The following CPD variants were observed in gnomAD, a reference collection of about 807,000 sequenced individuals.
The protein encoded by CPD is metallocarboxypeptidase D.
A neutral mutation model predicts 138.3 loss-of-function variants in CPD; 69 were observed. The ratio of observed to expected loss-of-function variants is 0.50; its 90% CI spans 0.41 to 0.61. The LOEUF (loss-of-function observed/expected upper bound fraction) is 0.61, where lower values mean the gene tolerates loss of function less well. Among genes scored for constraint, CPD ranks in the 20% least tolerant of loss-of-function variants. CPD has a pLI of 0.00. For synonymous variants in CPD, 651 were observed against 642.1 expected (o/e 1.01, Z -0.21); for missense variants, 1,432 against 1,733.3 (o/e 0.83, Z 3.09).
At chr17:30,418,709 C>T (rs1293862259) in intron 2 of CPD, among the ~76,000 whole-genome samples, 1 of 152,282 alleles carries the variant, frequency 6.6e-6, no homozygotes, top group South Asian at 2.1e-4. Context: ...TTGTCCCCTC[C>T]TCTGATTGGA....
chr17:30,463,837 A>G (rs1913557810), intron 20 of CPD, among the ~76,000 whole-genome samples: 1 of 152,240 alleles, frequency 6.6e-6, no homozygotes, highest in Non-Finnish European at 1.5e-5. Flanking sequence ...CACAGGAGGT[A>G]GAATTCAGCC....
intron 2 of CPD, among the ~76,000 whole-genome samples, chr17:30,385,754 C>G (rs1304547514): frequency 6.6e-6 from 1 of 150,760 alleles, no homozygotes; most frequent in African/African-American, 2.4e-5. Context: ...GCCTTGGTAG[C>G]CCCTTTTTAT....
chr17:30,447,351 T>C (rs1913058714), intron 12 of CPD, among the ~76,000 whole-genome samples: 1 of 152,172 alleles, frequency 6.6e-6, no homozygotes. Context: ...TTAATTTTTG[T>C]ATAAGGTGTA....
intron 2 of CPD, among the ~76,000 whole-genome samples, chr17:30,390,417 C>A (rs1911323855): frequency 6.6e-6 from 1 of 152,142 alleles, no homozygotes; most frequent in Non-Finnish European, 1.5e-5. Context: ...TAGTCCAACC[C>A]TTTTGTTTTA....
chr17:30,413,282 A>G (rs1912015438), intron 2 of CPD, among the ~76,000 whole-genome samples: 1 of 152,268 alleles, frequency 6.6e-6, no homozygotes, highest in South Asian at 2.1e-4. Flanking sequence ...TAGGTCAGCA[A>G]TGACTAAAGG....
rs367904758 is a variant in CPD, at chr17:30,464,717, G to C, written c.4046G>C (p.Arg1349Pro). 6.2e-7 allele frequency: 1 copy of C among 1,613,946 alleles called. No individual in the cohort carries two copies. Among genetic ancestry groups the C allele is most frequent in the East Asian group, 2.2e-5 (1 of 44,872 alleles). Residue 1349 changes from arginine to proline, a missense_variant, in exon 21 of 21, where the codon CGC (arginine) becomes CCC (proline). Physicochemically the swap from Arg to Pro is moderately radical, Grantham distance 103. Around this residue, in one of 6 missense-constraint regions of CPD, gnomAD observed 366 missense variants for 518.8 expected, o/e 0.71. Transcript: ENST00000225719. ...CATGATGAGTATGAAGATGAAATTCGCATGATGTCTACCGGCTCCAAGAAG... is the reference window on the plus strand; with the variant it reads ...CATGATGAGTATGAAGATGAAATTCCCATGATGTCTACCGGCTCCAAGAAG... ...QHHDEYEDEI[R>P]MMSTGSKKSL...
chr17:30,388,526 G>A (rs1345097025), intron 2 of CPD, among the ~76,000 whole-genome samples: 1 of 152,214 alleles, frequency 6.6e-6, no homozygotes, highest in African/African-American at 2.4e-5. Flanking sequence ...CAGTGACAGT[G>A]CGCCGCCTCA....
At chr17:30,401,796 CTG>C (rs1462299221) in intron 2 of CPD, among the ~76,000 whole-genome samples, 3 of 151,948 alleles carry the variant, frequency 2.0e-5, no homozygotes, top group Non-Finnish European at 2.9e-5. Flanking sequence ...GACTTTTTTT[CTG>C]TCTTTGGTTT....
Position 30,455,440 on chromosome 17 carries a change from A to T in CPD, c.3307A>T (p.Thr1103Ser). 1 of 1,613,716 alleles carries T rather than the reference A, an allele frequency of 6.2e-7. No homozygotes were observed. The highest frequency in any genetic ancestry group is 8.5e-7 in the Non-Finnish European group (1 of 1,179,872). The change falls in exon 15 of 21, where the codon ACA becomes TCA. Residue 1103 changes from threonine (T) to serine (S), a missense_variant. This residue lies in a region of CPD where 366 missense variants were observed against 518.8 expected (regional missense o/e 0.71). Transcript: ENST00000225719. ...VALDGGSMLV[T>S]YPYDKPVQTV... ...CTTAGATGGTGGTTCCATGCTGGTC[A>T]CATATCCTTATGACAAGCCAGTACA...
intron 2 of CPD, among the ~76,000 whole-genome samples, chr17:30,414,013 A>G (rs2143392472): frequency 6.6e-6 from 1 of 152,308 alleles, no homozygotes; most frequent in East Asian, 1.9e-4. Flanking sequence ...GTGAACAGCA[A>G]GGAGGCCATG....
At chr17:30,438,443 T>C (rs1912762840) in intron 8 of CPD, among the ~76,000 whole-genome samples, 1 of 152,128 alleles carries the variant, frequency 6.6e-6, no homozygotes, top group Admixed American at 6.5e-5. Context: ...AGACACAAAC[T>C]GTTTCAAGGA....
rs1430115872 is a variant in CPD at position 30,378,989 on chromosome 17, C to G, written c.9C>G (p.Ser3Arg). Residue 3 changes from serine (S) to arginine (R), a missense_variant, in exon 1 of 21, where the codon AGC becomes AGG. Physicochemically the swap from Ser to Arg is moderately radical, Grantham distance 110. Coordinates refer to ENST00000225719, the MANE Select transcript of CPD (RefSeq NM_001304.5). MASGRDERPPWRL... is the reference protein window; with the variant it reads MARGRDERPPWRL... ...AGCGGCGCTGCTGGAAGATGGCGAG[C>G]GGCCGGGACGAGCGGCCGCCTTGGC... The G allele has an allele frequency of 2.0e-6, 3 of 1,533,904 alleles. No individual in the cohort carries two copies. The highest frequency in any genetic ancestry group is 1.2e-5 in the South Asian group (1 of 84,160).
chr17:30,455,547 AT>A lies in CPD; in HGVS notation c.3337+82del, dbSNP rs774570913. The stretch of plus-strand genomic sequence containing the variant: ...CCCAATTAAGTAATGTCCCTTCCAC[AT>A]TTTTATAAATAGTGAGCATTTGAGC... On this transcript the variant is annotated intron_variant, in intron 15 of 20. Coordinates refer to ENST00000225719, the MANE Select transcript of CPD (RefSeq NM_001304.5). 4.7e-4 allele frequency: 706 copies of A among 1,495,826 alleles called. 3 individuals carry two copies. In the Middle Eastern group the frequency reaches 0.015, roughly 31 times the overall value. 92.7% of individuals were successfully genotyped at this position (1,495,826 alleles called of 1,614,324 possible). A position where few individuals can be genotyped will look rare whatever the true frequency, so the allele number is the denominator to read the frequency against.
intron 2 of CPD, among the ~76,000 whole-genome samples, chr17:30,416,493 A>G (rs1037246099): frequency 6.6e-6 from 1 of 152,172 alleles, no homozygotes; most frequent in African/African-American, 2.4e-5. Flanking sequence ...TTCCTACTGC[A>G]CTTAGAATAA....
chr17:30,380,030 T>C (rs1056492142), intron 1 of CPD, among the ~76,000 whole-genome samples: 2 of 152,238 alleles, frequency 1.3e-5, no homozygotes, highest in Non-Finnish European at 1.5e-5. Flanking sequence ...ATCTTAAGGA[T>C]AACCTAGGTC....
At chr17:30,383,862 T>C (rs9901740) in intron 1 of CPD, among the ~76,000 whole-genome samples, 10,207 of 152,236 alleles carry the variant, frequency 0.067, 384 homozygotes, top group African/African-American at 0.089. Flanking sequence ...GAAAAGTATT[T>C]AATCTCTACT....
At position 30,379,450 on chromosome 17, in the gene CPD, C is replaced by T. The variant is rs779390393; in HGVS notation, c.470C>T (p.Ala157Val). Residue 157 changes from alanine to valine, a missense_variant, in exon 1 of 21, where the codon GCG becomes GTG. This residue lies in a region of CPD where 484 missense variants were observed against 477.2 expected (regional missense o/e 1.01). Transcript: ENST00000225719. This position sits in a 1 kb window ranked among gnomAD's most constrained non-coding sequence, Gnocchi z 7.0. ...TTGATCTACTTGGCCCGCGAGCTGG[C>T]GGCCGGCTACCGCCGCGGGGACCCG... ...QVLIYLAREL[A>V]AGYRRGDPRL... 2.3e-5 allele frequency: 36 copies of T among 1,570,332 alleles called. No individual in the cohort carries two copies. Among genetic ancestry groups the T allele is most frequent in the Admixed American group, 5.3e-5 (3 of 56,598 alleles).
Position 30,445,877 on chromosome 17 carries a change from A to C in CPD, c.2730A>C (p.Ser910=). The stretch of plus-strand genomic sequence containing the variant: ...TTGAAACTTTAATTAAAGACCTTTC[A>C]GCGGAGAATGGTTTGGAAAGCCTCA... ...KEFETLIKDL[S]AENGLESLML... is the part of the protein sequence containing the mutation. Residue 910 remains serine, a synonymous_variant, in exon 12 of 21, where the codon TCA becomes TCC. Transcript: ENST00000225719. 1 of 1,614,174 alleles carries C rather than the reference A, an allele frequency of 6.2e-7. No homozygotes were observed. Among genetic ancestry groups the C allele is most frequent in the Admixed American group, 1.7e-5 (1 of 59,996 alleles).
chr17:30,387,519 T>A (rs1289841726), intron 2 of CPD, among the ~76,000 whole-genome samples: 3 of 152,160 alleles, frequency 2.0e-5, no homozygotes, highest in Non-Finnish European at 4.4e-5. Flanking sequence ...AATAATAACG[T>A]TTTTGTTTTT....
Sources: allele counts gnomAD v4.1 joint callset (sites outside exome capture counted in the v4.1 genomes callset), GRCh38; gene constraint gnomAD v4.1.1; regional missense constraint gnomAD v4.1.1; non-coding constraint Gnocchi (gnomAD v3.1); transcripts MANE v1.5; gene names NCBI Gene and HGNC (gene_info 2026-07-23, HGNC 2026-07-21).